Variants in SYT16 observed in about 807,000 individuals in gnomAD.
The protein encoded by SYT16 is synaptotagmin 16, also known as synaptotagmin-16.
A neutral mutation model predicts 61.4 loss-of-function variants in SYT16; 42 were observed. That is an observed-to-expected ratio of 0.68 (90% CI 0.53 to 0.89). The LOEUF is 0.89. Ranked by LOEUF, SYT16 falls within the 40% of genes least tolerant of loss-of-function variation. The pLI, the probability that SYT16 is intolerant of heterozygous loss-of-function variation, is 0.00. For synonymous variants in SYT16, 314 were observed against 302.3 expected (o/e 1.04, Z -0.40); for missense variants, 804 against 807.3 (o/e 1.00, Z 0.05).
In SYT16 at chr14:62,107,427, G is replaced by A. The variant is rs80015191; in HGVS notation, c.*6720G>A. 1.3e-5 allele frequency: 2 copies of A among 152,054 alleles called. No homozygotes were observed. Among genetic ancestry groups the A allele is most frequent in the African/African-American group, 4.8e-5 (2 of 41,382 alleles). 9.4% of individuals were successfully genotyped at this position (152,054 alleles called of 1,614,324 possible). A position where few individuals can be genotyped will look rare whatever the true frequency, so the allele number is the denominator to read the frequency against. On this transcript the variant is annotated 3_prime_UTR_variant, in exon 8 of 8. Transcript: ENST00000683842. ...AGCCTGGGTAGCAGAGTGAGACTCT[G>A]TCTCAAAAAAACCAAAAAACAAGAC...
intron 3 of SYT16, among the ~76,000 whole-genome samples, chr14:62,064,289 A>G (rs2055957970): frequency 2.1e-5 from 3 of 144,868 alleles, no homozygotes; most frequent in Admixed American, 2.1e-4. Flanking sequence ...TTGAAAGGCA[A>G]GTAGCTGGGA....
In SYT16 at chr14:61,996,287, C is replaced by T. The variant is rs1035256170; in HGVS notation, c.268C>T (p.His90Tyr). 1 of 1,613,604 alleles carries T rather than the reference C, an allele frequency of 6.2e-7. No homozygotes were observed. Among genetic ancestry groups the T allele is most frequent in the South Asian group, 1.1e-5 (1 of 91,072 alleles). Residue 90 changes from histidine to tyrosine, a missense_variant, in exon 3 of 8, where the codon CAT becomes TAT. His to Tyr is a moderately conservative substitution (Grantham distance 83). Transcript: ENST00000683842. ...AAATTCCTTGTTTCTTGAAGTGGAT[C>T]ATTTCTCATGTTGTAATAGTGATTT... Reference protein sequence around the residue: ...DANSLFLEVDHFSCCNSDLQD... With the variant: ...DANSLFLEVDYFSCCNSDLQD...
chr14:61,964,460 G>A (rs777231970), intron 1 of SYT16, among the ~76,000 whole-genome samples: 12 of 152,138 alleles, frequency 7.9e-5, no homozygotes, highest in Non-Finnish European at 1.6e-4. Context: ...GGAGCCTAAC[G>A]ATGTGACTGA....
rs750034730 is a variant in SYT16, at chr14:62,069,721, G to A, written c.642G>A (p.Glu214=). The A allele has an allele frequency of 6.2e-6, 10 of 1,614,018 alleles. No homozygotes were observed. The East Asian group carries it at 6.7e-5, about 11-fold the overall frequency. ...AGAGTTTCCGTTCAGTGACATCTGA[G>A]AAAGGAAAGCAGACAGGATTGGAGC... ...RSQSFRSVTS[E]KGKQTGLEQK... is the part of the protein sequence containing the mutation. Residue 214 remains glutamate (E), a synonymous_variant, in exon 4 of 8, where the codon GAG becomes GAA. Transcript: ENST00000683842.
chr14:62,068,307 A>T (rs2056147415), intron 3 of SYT16, among the ~76,000 whole-genome samples: 2 of 152,190 alleles, frequency 1.3e-5, no homozygotes, highest in South Asian at 4.1e-4. Context: ...TGCTAAATGA[A>T]ATAAGCCAGA....
chr14:61,848,021 G>T (rs1013810838), intron 1 of SYT16, among the ~76,000 whole-genome samples: 1 of 152,150 alleles, frequency 6.6e-6, no homozygotes, highest in African/African-American at 2.4e-5. Context: ...TGTCTGAAAG[G>T]TTACATATTT....
intron 3 of SYT16, among the ~76,000 whole-genome samples, chr14:62,040,632 A>G (rs555989686): frequency 1.3e-5 from 2 of 152,308 alleles, no homozygotes; most frequent in African/African-American, 4.8e-5. Context: ...CATTTAAGAA[A>G]TATTGTTTCA....
At chr14:62,039,424 A>T (rs1024109773) in intron 3 of SYT16, among the ~76,000 whole-genome samples, 1 of 152,198 alleles carries the variant, frequency 6.6e-6, no homozygotes, top group Non-Finnish European at 1.5e-5. Flanking sequence ...CCACTTCCAC[A>T]TATTATGTAT....
At chr14:62,015,511 T>TA (rs1045355236) in intron 3 of SYT16, among the ~76,000 whole-genome samples, 1 of 152,220 alleles carries the variant, frequency 6.6e-6, no homozygotes, top group African/African-American at 2.4e-5. Context: ...AATGAGGACT[T>TA]AAAAAACAAG....
intron 1 of SYT16, among the ~76,000 whole-genome samples, chr14:61,831,525 T>TA (rs1303371037): frequency 6.6e-6 from 1 of 152,256 alleles, no homozygotes; most frequent in Non-Finnish European, 1.5e-5. Context: ...GGAAAATTCT[T>TA]AGTCATCTCT....
chr14:61,858,214 GCAAA>G (rs1182792302), intron 1 of SYT16, among the ~76,000 whole-genome samples: 8 of 151,504 alleles, frequency 5.3e-5, no homozygotes, highest in African/African-American at 1.9e-4. Flanking sequence ...ACAAAACTTG[GCAAA>G]CAGTCTTAGG....
At chr14:61,922,053 GAA>G (rs2049352367) in intron 1 of SYT16, among the ~76,000 whole-genome samples, 1 of 152,032 alleles carries the variant, frequency 6.6e-6, no homozygotes, top group Non-Finnish European at 1.5e-5. Context: ...AGTCTCAAAA[GAA>G]AGAGCACACT....
Position 61,930,592 on chromosome 14 carries a change from A to G in SYT16, c.-324-39540A>G, listed in dbSNP as rs147180586. ...TCTAGTAGGCCGAATAGTGCCCCAC[A>G]TCCCCTCAAGATGTTCACATCCTAA... On this transcript the variant is annotated intron_variant, in intron 1 of 7. Transcript: ENST00000683842. Among the ~76,000 whole-genome samples, 1,321 of 152,050 alleles carry G rather than the reference A, an allele frequency of 8.7e-3. 9 individuals carry two copies. Among genetic ancestry groups the G allele is most frequent in the Middle Eastern group, 0.031 (9 of 294 alleles).
chr14:61,815,130 T>C (rs908406995), intron 1 of SYT16, among the ~76,000 whole-genome samples: 8 of 152,086 alleles, frequency 5.3e-5, no homozygotes. Flanking sequence ...ACTCCCAGAG[T>C]TCCTGATTCA....
At chr14:62,080,179 G>T (rs2056656764) in intron 5 of SYT16, among the ~76,000 whole-genome samples, 1 of 152,184 alleles carries the variant, frequency 6.6e-6, no homozygotes, top group African/African-American at 2.4e-5. Context: ...AATCCTTGCT[G>T]CTCAAAGTGT....
At chr14:61,900,703 G>A (rs1275472372) in intron 1 of SYT16, among the ~76,000 whole-genome samples, 1 of 152,152 alleles carries the variant, frequency 6.6e-6, no homozygotes, top group Non-Finnish European at 1.5e-5. Context: ...ATGGGTCACT[G>A]GGGCCAGTGA....
intron 1 of SYT16, among the ~76,000 whole-genome samples, chr14:61,919,123 A>G (rs1450077529): frequency 6.6e-6 from 1 of 152,134 alleles, no homozygotes; most frequent in African/African-American, 2.4e-5. Flanking sequence ...CTTTGCTGCA[A>G]TACATGTGTT....
At chr14:61,865,120 C>T (rs769351404) in intron 1 of SYT16, 2 of 1,321,732 alleles carry the variant, frequency 1.5e-6, no homozygotes, top group Non-Finnish European at 2.2e-6. Context: ...ATGAAGCCTT[C>T]TGTGGCTCCT....
chr14:61,887,030 G>A (rs773616636), intron 1 of SYT16, among the ~76,000 whole-genome samples: 1 of 151,922 alleles, frequency 6.6e-6, no homozygotes, highest in Non-Finnish European at 1.5e-5. Flanking sequence ...GTGAGCCACT[G>A]CGCCCGGCCA....
Sources: gnomAD v4.1 joint callset for allele counts (sites outside exome capture counted in the v4.1 genomes callset) on GRCh38, gnomAD v4.1.1 for gene constraint, MANE v1.5 for transcripts, NCBI Gene and HGNC (gene_info 2026-07-23, HGNC 2026-07-21) for gene names.